Variants in CDK14 observed in about 807,000 individuals in gnomAD.
The protein encoded by CDK14 is cyclin-dependent kinase 14.
CDK14 carries 34 observed loss-of-function variants against 60.7 expected under a neutral mutation model. The observed-to-expected ratio is 0.56, with a 90% CI of 0.43 to 0.75. The LOEUF (loss-of-function observed/expected upper bound fraction) is 0.75, where lower values mean the gene tolerates loss of function less well. Among genes scored for constraint, CDK14 ranks in the 30% least tolerant of loss-of-function variants. CDK14 has a pLI of 0.00. For synonymous variants in CDK14, 197 were observed against 203.7 expected, an observed-to-expected ratio of 0.97 and a Z score of 0.28; for missense variants, 482 against 564.1, an observed-to-expected ratio of 0.85 and a Z score of 1.47.
chr7:90,869,153 A>C (rs890498767), intron 6 of CDK14, among the ~76,000 whole-genome samples: 9 of 152,198 alleles, frequency 5.9e-5, no homozygotes, highest in African/African-American at 1.9e-4. Context: ...CTCTCTATCA[A>C]TATTTTGCTT....
rs1280851207 is a variant in CDK14 at position 90,863,203 on chromosome 7, T to G, written c.573T>G (p.Ala191=). Residue 191 remains alanine (A), a synonymous_variant, in exon 6 of 15, where the codon GCT becomes GCG. Transcript: ENST00000380050. ...EASLLKGLKH[A]NIVLLHDIIH... is the part of the protein sequence containing the mutation. ...CTCTTTTAAAAGGACTAAAACATGC[T>G]AACATAGTGCTACTTCATGACATCA... is the stretch of plus-strand genomic sequence containing the variant. 4.4e-6 allele frequency: 7 copies of G among 1,608,604 alleles called. No individual in the cohort carries two copies. The highest frequency in any genetic ancestry group is 6.0e-6 in the Non-Finnish European group (7 of 1,176,072).
intron 11 of CDK14, among the ~76,000 whole-genome samples, chr7:91,056,005 C>G (rs697408): frequency 0.11 from 16,465 of 152,262 alleles, 1,107 homozygotes; most frequent in Middle Eastern, 0.15. Flanking sequence ...GGAATCTATG[C>G]ATTGTATAAA....
At chr7:90,674,668 A>G (rs1801162332) in intron 2 of CDK14, among the ~76,000 whole-genome samples, 1 of 152,180 alleles carries the variant, frequency 6.6e-6, no homozygotes, top group African/African-American at 2.4e-5. Flanking sequence ...ATGCATAATT[A>G]TGGTTGATGT....
intron 9 of CDK14, among the ~76,000 whole-genome samples, chr7:90,962,844 A>G (rs1359886921): frequency 1.3e-5 from 2 of 152,102 alleles, no homozygotes; most frequent in East Asian, 3.9e-4. Flanking sequence ...ATAACAAGAG[A>G]TGGTTACATG....
At chr7:91,072,464 A>G (rs1403978706) in intron 11 of CDK14, among the ~76,000 whole-genome samples, 1 of 152,180 alleles carries the variant, frequency 6.6e-6, no homozygotes, top group African/African-American at 2.4e-5. Context: ...ACAAACAAAC[A>G]AATAGAAAGC....
At chr7:90,849,324 G>A (rs527828616) in intron 5 of CDK14, among the ~76,000 whole-genome samples, 2 of 152,076 alleles carry the variant, frequency 1.3e-5, no homozygotes, top group Admixed American at 1.3e-4. Context: ...ACAAGAAGCC[G>A]AGCAGATGTG....
At position 90,942,676 on chromosome 7, in the gene CDK14, C is replaced by A. The variant is rs143646763; in HGVS notation, c.827-13021C>A. 2.3e-3 allele frequency among the ~76,000 whole-genome samples: 346 copies of A among 152,302 alleles called. 1 individual carries two copies. The highest frequency in any genetic ancestry group is 8.1e-3 in the African/African-American group (336 of 41,566). Reference sequence around the variant, plus strand: ...TGTGCAGTCTCTATGTTCCCTGAGTCAGTAAACATCTTCCTCAAAGAAGCC... The same window carrying A: ...TGTGCAGTCTCTATGTTCCCTGAGTAAGTAAACATCTTCCTCAAAGAAGCC... On this transcript the variant is annotated intron_variant, in intron 8 of 14. Transcript: ENST00000380050.
At chr7:91,090,193 A>C (rs1350429532) in intron 12 of CDK14, among the ~76,000 whole-genome samples, 1 of 152,120 alleles carries the variant, frequency 6.6e-6, no homozygotes, top group Non-Finnish European at 1.5e-5. Context: ...CTCTGTTGCC[A>C]CATTCATTGA....
At chr7:91,167,990 A>G (rs1801396457) in intron 14 of CDK14, among the ~76,000 whole-genome samples, 1 of 152,168 alleles carries the variant, frequency 6.6e-6, no homozygotes, top group Non-Finnish European at 1.5e-5. Context: ...GGGGCCGGGC[A>G]TGTTGGCTTA....
At chr7:90,630,771 AT>A (rs546764841) in intron 2 of CDK14, among the ~76,000 whole-genome samples, 1 of 151,688 alleles carries the variant, frequency 6.6e-6, no homozygotes, top group Admixed American at 6.6e-5. Flanking sequence ...ATTCAGGTGA[AT>A]TTTTTTTACT....
chr7:90,729,088 T>G (rs1023270440), intron 3 of CDK14, among the ~76,000 whole-genome samples: 2 of 151,788 alleles, frequency 1.3e-5, no homozygotes, highest in African/African-American at 4.8e-5. Flanking sequence ...CCACTCTGCC[T>G]GGTATCCAAG....
At chr7:90,601,854 G>C (rs912394431) in intron 1 of CDK14, among the ~76,000 whole-genome samples, 2 of 151,622 alleles carry the variant, frequency 1.3e-5, no homozygotes, top group Non-Finnish European at 2.9e-5. Context: ...CCAGGCTCAA[G>C]TGATCCTCCC....
intron 5 of CDK14, among the ~76,000 whole-genome samples, chr7:90,810,051 G>A (rs1031369567): frequency 1.1e-4 from 17 of 152,156 alleles, no homozygotes; most frequent in African/African-American, 2.9e-4. Flanking sequence ...ATAAGGAGGA[G>A]CTGGTACCAT....
At chr7:90,837,511 G>A (rs896166806) in intron 5 of CDK14, among the ~76,000 whole-genome samples, 7 of 152,092 alleles carry the variant, frequency 4.6e-5, no homozygotes, top group African/African-American at 7.2e-5. Context: ...TAAGCTTAGT[G>A]TATTAGAACA....
intron 4 of CDK14, among the ~76,000 whole-genome samples, chr7:90,763,225 A>G (rs979509229): frequency 6.6e-6 from 1 of 152,200 alleles, no homozygotes; most frequent in African/African-American, 2.4e-5. Context: ...CTTCAACACC[A>G]CTTTGTCGGT....
intron 2 of CDK14, among the ~76,000 whole-genome samples, chr7:90,622,749 G>C (rs1584747953): frequency 1.3e-5 from 1 of 74,480 alleles, no homozygotes; most frequent in Non-Finnish European, 2.5e-5. Context: ...TACCCTGACT[G>C]TGTTTTTACT....
chr7:90,830,015 T>C (rs1397778853), intron 5 of CDK14, among the ~76,000 whole-genome samples: 1 of 152,128 alleles, frequency 6.6e-6, no homozygotes, highest in Non-Finnish European at 1.5e-5. Flanking sequence ...TTCCAGGCCT[T>C]TGGTGCAAGC....
At chr7:91,045,013 C>T (rs1797193380) in intron 10 of CDK14, among the ~76,000 whole-genome samples, 1 of 152,190 alleles carries the variant, frequency 6.6e-6, no homozygotes, top group Non-Finnish European at 1.5e-5. Context: ...GAAATTGGAG[C>T]TCAGTGGGGT....
At chr7:90,785,802 A>G (rs1215308604) in intron 4 of CDK14, among the ~76,000 whole-genome samples, 2 of 149,624 alleles carry the variant, frequency 1.3e-5, no homozygotes, top group African/African-American at 2.5e-5. Context: ...AAAAAAAAAA[A>G]AAAAGAGAAA....
Sources: gnomAD v4.1 joint callset for allele counts (sites outside exome capture counted in the v4.1 genomes callset) on GRCh38, gnomAD v4.1.1 for gene constraint, MANE v1.5 for transcripts, NCBI Gene and HGNC (gene_info 2026-07-23, HGNC 2026-07-21) for gene names.